The following ZHX1 variants were observed in gnomAD, a reference collection of about 807,000 sequenced individuals.
The protein encoded by ZHX1 is zinc fingers and homeoboxes 1, also known as zinc fingers and homeoboxes protein 1.
In ZHX1, 20 loss-of-function variants were observed where a neutral mutation model predicts 61.8. The observed-to-expected ratio is 0.32, with a 90% CI of 0.23 to 0.47. ZHX1 has a LOEUF of 0.47. Among genes scored for constraint, ZHX1 ranks in the 20% least tolerant of loss-of-function variants. ZHX1 has a pLI of 1.00. For synonymous variants in ZHX1, 318 were observed against 352.6 expected (o/e 0.90, Z 1.10); for missense variants, 800 against 1,034.8 (o/e 0.77, Z 3.11).
Position 123,249,837 on chromosome 8 carries a change from G to GTTTTTTTTTTTTTTTTTTTTTTTTTT in ZHX1, c.*486_*487insAAAAAAAAAAAAAAAAAAAAAAAAAA, listed in dbSNP as rs869039149. On this transcript the variant is annotated 3_prime_UTR_variant, in exon 4 of 4. Coordinates refer to ENST00000395571, the MANE Select transcript of ZHX1 (RefSeq NM_007222.5). ...AAATAAGACATAGTAATAAATCAGG[G>GTTTTTTTTTTTTTTTTTTTTTTTTTT]TTTTTTTTTTTTTTTTTTTTTTACC... The GTTTTTTTTTTTTTTTTTTTTTTTTTT allele has an allele frequency of 1.7e-5, 2 of 117,300 alleles. No individual in the cohort carries two copies. Among genetic ancestry groups the GTTTTTTTTTTTTTTTTTTTTTTTTTT allele is most frequent in the African/African-American group, 3.2e-5 (1 of 31,518 alleles). The allele number at this position is 117,300 out of a possible 1,614,324, so 7.3% of individuals were successfully genotyped here.
intron 2 of ZHX1, among the ~76,000 whole-genome samples, chr8:123,266,321 T>A (rs916180757): frequency 6.6e-6 from 1 of 152,180 alleles, no homozygotes; most frequent in African/African-American, 2.4e-5. Context: ...GAAAAACCAT[T>A]CATCTGGTCA....
rs1288814991 is a variant in ZHX1, at chr8:123,274,234, C to T, written c.-357G>A. 6.5e-6 allele frequency: 1 copy of T among 153,652 alleles called. No individual in the cohort carries two copies. Among genetic ancestry groups the T allele is most frequent in the Non-Finnish European group, 1.4e-5 (1 of 69,280 alleles). 9.5% of individuals were successfully genotyped at this position (153,652 alleles called of 1,614,324 possible). A position where few individuals can be genotyped will look rare whatever the true frequency, so the allele number is the denominator to read the frequency against. ...GCCACTACCTGCAGGGGCCGCCGCGCCTCTCAGCGCCACGCCGCCGCCATC... is the reference window on the plus strand; with the variant it reads ...GCCACTACCTGCAGGGGCCGCCGCGTCTCTCAGCGCCACGCCGCCGCCATC... On this transcript the variant is annotated 5_prime_UTR_variant, in exon 1 of 4. Transcript: ENST00000395571.
intron 3 of ZHX1, 190 bp downstream of exon 3, chr8:123,253,132 T>A: frequency 6.2e-6 from 3 of 485,040 alleles, no homozygotes; most frequent in South Asian, 4.7e-5. Context: ...AAACTCTACA[T>A]AATAATAATA....
rs761060097 is a variant in ZHX1, at chr8:123,253,398, T to C, written c.2549A>G (p.Glu850Gly). 5.0e-6 allele frequency: 8 copies of C among 1,613,994 alleles called. No homozygotes were observed. In the South Asian group the frequency reaches 7.7e-5, roughly 16 times the overall value. ...EVIDDQEEDE[E>G]ETDDSDTWEP... Reference sequence around the variant, plus strand: ...CCAAGTGTCACTATCATCTGTTTCTTCTTCATCCTCTTCCTGGTCATCAAT... The same window carrying C: ...CCAAGTGTCACTATCATCTGTTTCTCCTTCATCCTCTTCCTGGTCATCAAT... The change falls in exon 3 of 4, where the codon GAA (glutamate) becomes GGA (glycine). Residue 850 changes from glutamate to glycine, a missense_variant. Glu to Gly is a moderately conservative substitution (Grantham distance 98). Coordinates refer to ENST00000395571, the MANE Select transcript of ZHX1 (RefSeq NM_007222.5).
chr8:123,274,615 C>CCCCTGTCAA (rs1381554282), upstream of ZHX1: 1 of 152,224 alleles, frequency 6.6e-6, no homozygotes, highest in Non-Finnish European at 1.5e-5. Flanking sequence ...GCGCCCCGCC[C>CCCCTGTCAA]CCCTGTCAAC....
upstream of ZHX1, chr8:123,274,463 G>C (rs1826778557): frequency 6.6e-6 from 1 of 152,176 alleles, no homozygotes; most frequent in South Asian, 2.1e-4. Flanking sequence ...AGCCGGCCAA[G>C]GCGGGGCCCT....
Position 123,251,080 on chromosome 8 carries a change from A to C in ZHX1, c.*4-760T>G, listed in dbSNP as rs181049196. ...AGGGAGCCTGGTGGGAGGTGACTGA[A>C]TCATGGGGGTGGACTTCCCCTCTGG... On this transcript the variant is annotated intron_variant, in intron 3 of 3. Coordinates refer to ENST00000395571, the MANE Select transcript of ZHX1 (RefSeq NM_007222.5). 1.6e-3 allele frequency among the ~76,000 whole-genome samples: 245 copies of C among 152,288 alleles called. 1 individual carries two copies. Among genetic ancestry groups the C allele is most frequent in the African/African-American group, 5.8e-3 (241 of 41,562 alleles).
chr8:123,272,408 A>C (rs1826685117), intron 1 of ZHX1, among the ~76,000 whole-genome samples: 1 of 152,220 alleles, frequency 6.6e-6, no homozygotes, highest in Non-Finnish European at 1.5e-5. Flanking sequence ...GCTAAAAGGA[A>C]AAAAATATTC....
rs1826109853 is a variant in ZHX1, at chr8:123,257,575, T to A, written c.-225-1404A>T. ...GGACTGGTCTCATGGAAGACCATTT[T>A]TCCACATACCGCGGTGCGAGGGGAT... On this transcript the variant is annotated intron_variant, in intron 2 of 3. Transcript: ENST00000395571. Among the ~76,000 whole-genome samples the A allele has an allele frequency of 2.6e-5, 4 of 152,276 alleles. No individual in the cohort carries two copies. In the South Asian group the frequency reaches 6.2e-4, roughly 24 times the overall value.
chr8:123,267,895 G>T (rs1399807222), intron 1 of ZHX1, among the ~76,000 whole-genome samples: 1 of 152,164 alleles, frequency 6.6e-6, no homozygotes, highest in Non-Finnish European at 1.5e-5. Context: ...CAGCTACTCG[G>T]GAAGCTGAGG....
rs368339951 is a variant in ZHX1 at position 123,254,602 on chromosome 8, T to C, written c.1345A>G (p.Thr449Ala). ...GTTTCATGTTTGACACTTTGAGAAG[T>C]TGGAACTGCTGCTGTTGCTGGCTTT... ...ETKPATAAVP[T>A]SQSVKHETAL... Residue 449 changes from threonine (T) to alanine (A), a missense_variant, in exon 3 of 4, where the codon ACT becomes GCT. Thr to Ala is a moderately conservative substitution (Grantham distance 58). Coordinates refer to ENST00000395571, the MANE Select transcript of ZHX1 (RefSeq NM_007222.5). The surrounding 1 kb of genome is among the most constrained non-coding windows in gnomAD (Gnocchi z 4.1). The C allele has an allele frequency of 1.1e-4, 173 of 1,614,110 alleles. No individual in the cohort carries two copies. The Admixed American group carries it at 2.2e-3, about 20-fold the overall frequency.
intron 2 of ZHX1, 38 bp downstream of exon 2, chr8:123,267,235 A>T (rs1158056476): frequency 1.3e-6 from 2 of 1,524,806 alleles, no homozygotes; most frequent in Non-Finnish European, 1.8e-6. Flanking sequence ...TACATTCAGT[A>T]TCTGAGTTTT....
chr8:123,269,647 A>G (rs1291139225), intron 1 of ZHX1, among the ~76,000 whole-genome samples: 1 of 152,164 alleles, frequency 6.6e-6, no homozygotes, highest in African/African-American at 2.4e-5. Context: ...GGCTTAGCCT[A>G]TCTGTGCCTC....
intron 1 of ZHX1, among the ~76,000 whole-genome samples, chr8:123,271,519 G>T (rs1826653119): frequency 6.6e-6 from 1 of 152,012 alleles, no homozygotes; most frequent in African/African-American, 2.4e-5. Flanking sequence ...AAATAAAAGG[G>T]TTATTTCCTC....
In ZHX1 at chr8:123,250,317, G is replaced by A. The variant is rs1238639018; in HGVS notation, c.*7C>T. ...AATTGATTCTCCTTCAACGTTTTAG[G>A]CAGCTAAAAAAGAAAAACATCATAA... On this transcript the variant is annotated 3_prime_UTR_variant, in exon 4 of 4. Transcript: ENST00000395571. The A allele has an allele frequency of 5.2e-6, 2 of 387,478 alleles. No homozygotes were observed. Among genetic ancestry groups the A allele is most frequent in the South Asian group, 3.7e-5 (2 of 54,370 alleles). 24.0% of individuals were successfully genotyped at this position (387,478 alleles called of 1,614,324 possible). A position where few individuals can be genotyped will look rare whatever the true frequency, so the allele number is the denominator to read the frequency against.
chr8:123,253,909 C>A lies in ZHX1; in HGVS notation c.2038G>T (p.Val680Phe). 6.2e-7 allele frequency: 1 copy of A among 1,614,226 alleles called. No individual in the cohort carries two copies. Among genetic ancestry groups the A allele is most frequent in the South Asian group, 1.1e-5 (1 of 91,092 alleles). ...EQLHMLKSAF[V>F]RTQWPSPEEY... ...TCTGGTGATGGCCACTGTGTCCGGA[C>A]AAATGCACTCTTAAGCATGTGCAGC... The change falls in exon 3 of 4, where the codon GTC (valine) becomes TTC (phenylalanine). Residue 680 changes from valine to phenylalanine, a missense_variant. Transcript: ENST00000395571.
chr8:123,258,395 C>CCTTTAT (rs552308133), intron 2 of ZHX1, among the ~76,000 whole-genome samples: 242 of 152,300 alleles, frequency 1.6e-3, no homozygotes, highest in Middle Eastern at 0.014. Context: ...CCAAAGAAAC[C>CCTTTAT]CTTTATCTTT....
chr8:123,256,871 A>C lies in ZHX1; in HGVS notation c.-225-700T>G, dbSNP rs191830106. On this transcript the variant is annotated intron_variant, in intron 2 of 3. Transcript: ENST00000395571. ...AAAAGCATGCTTCAAGTATGGCAAA[A>C]ATAGCAAAGATGGAGGATGAATGAT... Among the ~76,000 whole-genome samples, 43 of 152,260 alleles carry C rather than the reference A, an allele frequency of 2.8e-4. No individual in the cohort carries two copies. The East Asian group carries it at 6.4e-3, about 23-fold the overall frequency.
At chr8:123,271,426 T>G (rs896578835) in intron 1 of ZHX1, among the ~76,000 whole-genome samples, 2 of 152,180 alleles carry the variant, frequency 1.3e-5, no homozygotes, top group African/African-American at 4.8e-5. Flanking sequence ...GACTATGATA[T>G]TAGATTAAAA....
Sources: allele counts gnomAD v4.1 joint callset (sites outside exome capture counted in the v4.1 genomes callset), GRCh38; gene constraint gnomAD v4.1.1; non-coding constraint Gnocchi (gnomAD v3.1); transcripts MANE v1.5; gene names NCBI Gene and HGNC (gene_info 2026-07-23, HGNC 2026-07-21).